The following ARHGAP26 variants were observed in gnomAD, a reference collection of about 807,000 sequenced individuals.
ARHGAP26 encodes the protein Rho GTPase activating protein 26.
A neutral mutation model predicts 104.8 loss-of-function variants in ARHGAP26; 38 were observed. That is an observed-to-expected ratio of 0.36 (90% CI 0.28 to 0.48). The LOEUF (loss-of-function observed/expected upper bound fraction) is 0.48. Among genes scored for constraint, ARHGAP26 ranks in the 20% least tolerant of loss-of-function variants. ARHGAP26 has a pLI of 0.99. For missense variants in ARHGAP26, 704 were observed against 947.9 expected (o/e 0.74, Z 3.38); for synonymous variants, 341 against 340.0 (o/e 1.00, Z -0.03).
rs1019157357 is a variant in ARHGAP26 at position 142,871,137 on chromosome 5, C to T, written c.155-2263C>T. ...TCTATCGGGGGATCGGCCTGTCCTT[C>T]AGCTTCATGGGGTCCTCACTGCTTC... On this transcript the variant is annotated intron_variant, in intron 1 of 22. Transcript: ENST00000645722. This position sits in a 1 kb window ranked among gnomAD's most constrained non-coding sequence, Gnocchi z 4.1. 2.6e-5 allele frequency among the ~76,000 whole-genome samples: 4 copies of T among 152,208 alleles called. No individual in the cohort carries two copies. The highest frequency in any genetic ancestry group is 4.8e-5 in the African/African-American group (2 of 41,450).
chr5:142,795,645 TCATTA>T (rs1327263297), intron 1 of ARHGAP26, among the ~76,000 whole-genome samples: 1 of 152,256 alleles, frequency 6.6e-6, no homozygotes, highest in Non-Finnish European at 1.5e-5. Context: ...ATCCACTTTT[TCATTA>T]CATTACAATT....
intron 11 of ARHGAP26, among the ~76,000 whole-genome samples, chr5:142,954,521 C>T (rs1768894960): frequency 6.6e-6 from 1 of 152,226 alleles, no homozygotes. Context: ...TTTTCTGTGT[C>T]TCTTAAGAAC....
intron 20 of ARHGAP26, among the ~76,000 whole-genome samples, chr5:143,153,848 C>T (rs781009524): frequency 2.0e-5 from 3 of 152,194 alleles, no homozygotes; most frequent in Non-Finnish European, 4.4e-5. Flanking sequence ...GCATGCCAAA[C>T]GCCTGCAGAT....
chr5:142,980,209 C>G (rs1182257602), intron 11 of ARHGAP26, among the ~76,000 whole-genome samples: 2 of 152,166 alleles, frequency 1.3e-5, no homozygotes, highest in Admixed American at 1.3e-4. Flanking sequence ...TGAGACTCAT[C>G]CATGTTTCCA....
At chr5:142,933,706 A>G (rs1017299603) in intron 11 of ARHGAP26, among the ~76,000 whole-genome samples, 8 of 152,186 alleles carry the variant, frequency 5.3e-5, no homozygotes, top group Non-Finnish European at 1.0e-4. Context: ...GTACAGCCAT[A>G]TCTACCTGCA....
chr5:143,060,420 G>T (rs954988640), intron 17 of ARHGAP26, among the ~76,000 whole-genome samples: 1 of 152,012 alleles, frequency 6.6e-6, no homozygotes, highest in Admixed American at 6.6e-5. Flanking sequence ...TTTAATCCCA[G>T]CTAAAAATTC....
At chr5:142,999,885 A>G (rs1280530214) in intron 11 of ARHGAP26, among the ~76,000 whole-genome samples, 1 of 152,198 alleles carries the variant, frequency 6.6e-6, no homozygotes, top group African/African-American at 2.4e-5. Context: ...CTGACAAAGG[A>G]CATATCCAGA....
At chr5:142,812,116 C>G (rs1346314281) in intron 1 of ARHGAP26, among the ~76,000 whole-genome samples, 1 of 152,122 alleles carries the variant, frequency 6.6e-6, no homozygotes, top group Non-Finnish European at 1.5e-5. Flanking sequence ...GCCTTTTCCC[C>G]CCAGTGCTTC....
rs550293896 is a variant in ARHGAP26 at position 142,887,891 on chromosome 5, G to C, written c.486+2492G>C. ...GAGGCAGGAGAATTACTTGAACCAG[G>C]GAGGCGGAGGTTGCAGTGAGCCACA... On this transcript the variant is annotated intron_variant, in intron 5 of 22. Transcript: ENST00000645722. Among the ~76,000 whole-genome samples the C allele has an allele frequency of 4.6e-5, 7 of 152,210 alleles. No homozygotes were observed. The South Asian group carries it at 1.5e-3, about 32-fold the overall frequency.
chr5:143,117,181 T>C (rs528281391), intron 17 of ARHGAP26, among the ~76,000 whole-genome samples: 3 of 152,312 alleles, frequency 2.0e-5, no homozygotes, highest in African/African-American at 4.8e-5. Context: ...TTCTGAGCCA[T>C]GTGAGGAGGA....
intron 1 of ARHGAP26, among the ~76,000 whole-genome samples, chr5:142,856,004 C>T (rs941450790): frequency 6.6e-6 from 1 of 152,222 alleles, no homozygotes; most frequent in Admixed American, 6.5e-5. Flanking sequence ...AGTCACACAG[C>T]AGACAGACCT....
intron 1 of ARHGAP26, among the ~76,000 whole-genome samples, chr5:142,814,055 C>T (rs540423088): frequency 1.4e-4 from 22 of 152,314 alleles, no homozygotes; most frequent in Non-Finnish European, 2.6e-4. Flanking sequence ...GAGGGTTGGC[C>T]AGGCCTGAAG....
intron 12 of ARHGAP26, among the ~76,000 whole-genome samples, chr5:143,020,326 A>G (rs1027363411): frequency 3.3e-5 from 5 of 152,164 alleles, no homozygotes; most frequent in Non-Finnish European, 5.9e-5. Context: ...TAGAACACAC[A>G]TCTGTCTCTA....
At chr5:142,932,767 C>T (rs980412903) in intron 11 of ARHGAP26, among the ~76,000 whole-genome samples, 1 of 152,178 alleles carries the variant, frequency 6.6e-6, no homozygotes, top group African/African-American at 2.4e-5. Flanking sequence ...GAAATGTGTG[C>T]AAGGAAGAAG....
intron 1 of ARHGAP26, among the ~76,000 whole-genome samples, chr5:142,836,068 A>C (rs1293581892): frequency 6.6e-6 from 1 of 152,202 alleles, no homozygotes; most frequent in Non-Finnish European, 1.5e-5. Flanking sequence ...TTGGGAATGG[A>C]ATCTTCACGT....
Position 142,879,385 on chromosome 5 carries a change from C to T in ARHGAP26, c.324C>T (p.Ala108=), listed in dbSNP as rs1336160102. The T allele has an allele frequency of 4.8e-5, 77 of 1,613,960 alleles. No homozygotes were observed. The highest frequency in any genetic ancestry group is 6.4e-5 in the Non-Finnish European group (75 of 1,179,986). Residue 108 remains alanine, a synonymous_variant, in exon 4 of 23, where the codon GCC becomes GCT. Transcript: ENST00000645722. ...TTGTTCTTCACCAGATTGAGAATGC[C>T]AGCGAGGTGCTCATCACTCCCTTGG... ...EDERIRMIEN[A]SEVLITPLEK... is the part of the protein sequence containing the mutation.
At chr5:143,181,145 C>T (rs1198505148) in intron 20 of ARHGAP26, among the ~76,000 whole-genome samples, 2 of 152,204 alleles carry the variant, frequency 1.3e-5, no homozygotes, top group Non-Finnish European at 2.9e-5. Context: ...CTGGCTCATT[C>T]TCTACTCTGA....
At chr5:143,026,434 G>A (rs1252734031) in intron 12 of ARHGAP26, among the ~76,000 whole-genome samples, 2 of 152,188 alleles carry the variant, frequency 1.3e-5, no homozygotes, top group African/African-American at 4.8e-5. Flanking sequence ...CCTGGAGCAG[G>A]AAAGGTCTCT....
intron 10 of ARHGAP26, among the ~76,000 whole-genome samples, chr5:142,920,784 A>G (rs1310462900): frequency 2.0e-5 from 3 of 152,200 alleles, no homozygotes; most frequent in African/African-American, 7.2e-5. Context: ...TGGAATGCTC[A>G]TATATACTCA....
Sources: gnomAD v4.1 joint callset for allele counts (sites outside exome capture counted in the v4.1 genomes callset) on GRCh38, gnomAD v4.1.1 for gene constraint, Gnocchi (gnomAD v3.1) non-coding constraint, MANE v1.5 for transcripts, NCBI Gene and HGNC (gene_info 2026-07-23, HGNC 2026-07-21) for gene names.